The following DNM3 variants were observed in gnomAD, a reference collection of about 807,000 sequenced individuals.
DNM3 encodes the protein dynamin 3.
In DNM3, 47 loss-of-function variants were observed where a neutral mutation model predicts 101.6. That is an observed-to-expected ratio of 0.46 (90% CI 0.37 to 0.59). DNM3 has a LOEUF of 0.59. DNM3 is among the 20% of genes least tolerant of loss of function. DNM3 has a pLI of 0.00. For missense variants in DNM3, 849 were observed against 1,085.7 expected (o/e 0.78, Z 3.06); for synonymous variants, 385 against 387.9 (o/e 0.99, Z 0.09).
intron 14 of DNM3, among the ~76,000 whole-genome samples, chr1:172,225,746 T>G (rs1161498677): frequency 6.6e-6 from 1 of 151,988 alleles, no homozygotes; most frequent in Non-Finnish European, 1.5e-5. Flanking sequence ...AGAAAGACCC[T>G]GTCCCAAAAA....
intron 14 of DNM3, among the ~76,000 whole-genome samples, chr1:172,212,117 G>A (rs953423898): frequency 1.3e-5 from 2 of 152,082 alleles, no homozygotes; most frequent in Non-Finnish European, 2.9e-5. Context: ...TTGTTGTAAT[G>A]TCAAACAAAA....
chr1:172,262,525 T>C (rs980325035), intron 15 of DNM3, among the ~76,000 whole-genome samples: 1 of 152,132 alleles, frequency 6.6e-6, no homozygotes, highest in African/African-American at 2.4e-5. Flanking sequence ...GGGTCTCTCA[T>C]TCACACTTTC....
At chr1:171,886,917 A>G (rs2036829558) in intron 1 of DNM3, among the ~76,000 whole-genome samples, 1 of 152,216 alleles carries the variant, frequency 6.6e-6, no homozygotes, top group African/African-American at 2.4e-5. Flanking sequence ...TGAAAGAGTC[A>G]TTATACAATT....
At chr1:172,195,773 T>C (rs989144406) in intron 14 of DNM3, among the ~76,000 whole-genome samples, 1 of 151,984 alleles carries the variant, frequency 6.6e-6, no homozygotes. Context: ...TAAATCTCAC[T>C]TGGTTATGAT....
intron 14 of DNM3, among the ~76,000 whole-genome samples, chr1:172,246,669 G>GCAGTGGGTA (rs1249482462): frequency 4.6e-5 from 7 of 152,164 alleles, no homozygotes; most frequent in Non-Finnish European, 1.0e-4. Context: ...CATGGCTGGT[G>GCAGTGGGTA]CAGTGGGTAC....
chr1:172,331,101 T>C (rs559651268), intron 17 of DNM3, among the ~76,000 whole-genome samples: 46 of 152,304 alleles, frequency 3.0e-4, no homozygotes, highest in Non-Finnish European at 5.0e-4. Context: ...CTTTCAATAG[T>C]GTCTTTGTTT....
chr1:172,212,607 T>C (rs992581367), intron 14 of DNM3, among the ~76,000 whole-genome samples: 2 of 152,192 alleles, frequency 1.3e-5, no homozygotes, highest in Admixed American at 6.5e-5. Flanking sequence ...AGGTGTGATA[T>C]GTCATTTAAA....
intron 16 of DNM3, among the ~76,000 whole-genome samples, chr1:172,317,082 A>G (rs1249069226): frequency 6.6e-6 from 1 of 151,868 alleles, no homozygotes; most frequent in Non-Finnish European, 1.5e-5. Flanking sequence ...GGATTAAGAA[A>G]CTCACTCAAA....
chr1:172,185,582 C>G (rs1015080030), intron 14 of DNM3, among the ~76,000 whole-genome samples: 4 of 152,076 alleles, frequency 2.6e-5, no homozygotes, highest in Non-Finnish European at 5.9e-5. Flanking sequence ...AGGTCACACT[C>G]TATTCAGAAT....
intron 20 of DNM3, 23 bp from the exon 21 acceptor site, chr1:172,407,749 C>A (rs778972216): frequency 5.0e-6 from 8 of 1,609,528 alleles, no homozygotes; most frequent in Admixed American, 1.7e-5. Flanking sequence ...TGTTTCTTTA[C>A]CTTTCTCTTT....
chr1:171,843,800 G>C (rs1306005941), intron 1 of DNM3, among the ~76,000 whole-genome samples: 1 of 152,110 alleles, frequency 6.6e-6, no homozygotes, highest in African/African-American at 2.4e-5. Context: ...AAATGTAGAA[G>C]AGTAAAATAT....
In DNM3 at chr1:172,362,640, C is replaced by T. The variant is rs150563517; in HGVS notation, c.1894-16378C>T. Among the ~76,000 whole-genome samples the T allele has an allele frequency of 3.1e-3, 469 of 152,018 alleles. 1 individual carries two copies. The highest frequency in any genetic ancestry group is 6.6e-3 in the African/African-American group (275 of 41,504). ...CTAAAAGAAACATCTTTGACCCAAC[C>T]CTGGTATCTTGATAAACACCGTGCC... On this transcript the variant is annotated intron_variant, in intron 17 of 20. Coordinates refer to ENST00000627582, the MANE Select transcript of DNM3 (RefSeq NM_015569.5).
intron 13 of DNM3, 95 bp downstream of exon 13, chr1:172,092,970 T>C: frequency 8.4e-7 from 1 of 1,190,610 alleles, no homozygotes; most frequent in South Asian, 1.7e-5. Flanking sequence ...ATTAATCACG[T>C]GCAAATTTTG....
intron 13 of DNM3, among the ~76,000 whole-genome samples, chr1:172,102,150 G>A (rs962206429): frequency 5.3e-5 from 8 of 152,030 alleles, no homozygotes; most frequent in African/African-American, 1.4e-4. Context: ...GAGCCACCAC[G>A]CCCGGCCACT....
At chr1:172,360,502 C>A (rs2067685002) in intron 17 of DNM3, among the ~76,000 whole-genome samples, 1 of 152,006 alleles carries the variant, frequency 6.6e-6, no homozygotes, top group Admixed American at 6.6e-5. Flanking sequence ...CTTTTACTTC[C>A]AGTATTTTAA....
chr1:171,865,474 C>T (rs1458487254), intron 1 of DNM3, among the ~76,000 whole-genome samples: 3 of 139,180 alleles, frequency 2.2e-5, no homozygotes, highest in Non-Finnish European at 4.5e-5. Flanking sequence ...CATGATCCTG[C>T]CACTGCACTC....
At chr1:171,991,087 C>T (rs1653442674) in intron 4 of DNM3, among the ~76,000 whole-genome samples, 2 of 152,092 alleles carry the variant, frequency 1.3e-5, no homozygotes, top group Non-Finnish European at 1.5e-5. Flanking sequence ...CACACGTAGT[C>T]CACGTAGAAA....
intron 15 of DNM3, among the ~76,000 whole-genome samples, chr1:172,284,927 T>A (rs1348099670): frequency 6.6e-6 from 1 of 152,208 alleles, no homozygotes; most frequent in Non-Finnish European, 1.5e-5. Context: ...GAATAATTTA[T>A]GCAATTATTG....
chr1:172,293,691 AG>A (rs1462243275), intron 15 of DNM3, among the ~76,000 whole-genome samples: 1 of 152,190 alleles, frequency 6.6e-6, no homozygotes, highest in Admixed American at 6.5e-5. Flanking sequence ...ACACAGCCTA[AG>A]ATGAGGCTTC....
Sources: gnomAD v4.1 joint callset for allele counts (sites outside exome capture counted in the v4.1 genomes callset) on GRCh38, gnomAD v4.1.1 for gene constraint, MANE v1.5 for transcripts, NCBI Gene and HGNC (gene_info 2026-07-23, HGNC 2026-07-21) for gene names.